Variants in ABCG1 observed in about 807,000 individuals in gnomAD.
The protein encoded by ABCG1 is ATP-binding cassette sub-family G member 1.
In ABCG1, 29 loss-of-function variants were observed where a neutral mutation model predicts 69.2. That is an observed-to-expected ratio of 0.42 (90% CI 0.31 to 0.57). ABCG1 has a LOEUF of 0.57. Among genes scored for constraint, ABCG1 ranks in the 20% least tolerant of loss-of-function variants. The pLI, the probability that ABCG1 is intolerant of heterozygous loss-of-function variation, is 0.15. For synonymous variants in ABCG1, 370 were observed against 374.8 expected (o/e 0.99, Z 0.15); for missense variants, 718 against 898.1 (o/e 0.80, Z 2.56).
chr21:42,253,720 A>G (rs2123658268), intron 2 of ABCG1, among the ~76,000 whole-genome samples: 1 of 152,074 alleles, frequency 6.6e-6, no homozygotes, highest in South Asian at 2.1e-4. Flanking sequence ...GCTTTGAAGG[A>G]GCATCAGGGG....
At chr21:42,223,104 G>A (rs1237485017) in intron 1 of ABCG1, among the ~76,000 whole-genome samples, 1 of 152,134 alleles carries the variant, frequency 6.6e-6, no homozygotes, top group Non-Finnish European at 1.5e-5. Flanking sequence ...TGCCCCTCTA[G>A]TCTCATCTTA....
chr21:42,296,399 T>C lies in ABCG1; in HGVS notation c.*7T>C, dbSNP rs754977655. 1.4e-5 allele frequency: 22 copies of C among 1,609,590 alleles called. No individual in the cohort carries two copies. The South Asian group carries it at 2.3e-4, about 17-fold the overall frequency. ...AATCCGGGCAGAGAGGTAAAACACC[T>C]GAATGCCAGGAAACAGGAAGATTAG... On this transcript the variant is annotated 3_prime_UTR_variant, in exon 15 of 15. Transcript: ENST00000398449. The surrounding 1 kb of genome is among the most constrained non-coding windows in gnomAD (Gnocchi z 5.4).
chr21:42,216,106 GCT>G (rs1225780997), upstream of ABCG1: 2 of 449,482 alleles, frequency 4.4e-6, no homozygotes, highest in African/African-American at 2.0e-5. Context: ...CCCTGCACAA[GCT>G]CTCTCTCTTG....
chr21:42,209,594 GCCT>G (rs1353442698), intron 2 of ABCG1, among the ~76,000 whole-genome samples: 1 of 152,176 alleles, frequency 6.6e-6, no homozygotes, highest in Non-Finnish European at 1.5e-5. Flanking sequence ...GTGGCTTTGG[GCCT>G]CTGACTTTTA....
chr21:42,269,791 T>C (rs773628944), intron 2 of ABCG1, among the ~76,000 whole-genome samples: 2 of 152,118 alleles, frequency 1.3e-5, no homozygotes, highest in African/African-American at 2.4e-5. Flanking sequence ...GGCCAGACTC[T>C]TGGAAACATA....
intron 2 of ABCG1, among the ~76,000 whole-genome samples, chr21:42,228,847 G>T (rs1192208163): frequency 6.6e-6 from 1 of 152,220 alleles, no homozygotes; most frequent in Non-Finnish European, 1.5e-5. Flanking sequence ...GCCTGTTCTT[G>T]GGTGCTGCGT....
chr21:42,212,842 C>A (rs890822826), upstream of ABCG1, among the ~76,000 whole-genome samples: 1 of 151,948 alleles, frequency 6.6e-6, no homozygotes, highest in Non-Finnish European at 1.5e-5. Context: ...TACAGGTGCC[C>A]GCTACCATGC....
intron 2 of ABCG1, among the ~76,000 whole-genome samples, chr21:42,204,995 G>GAGAAT (rs1048655412): frequency 2.6e-5 from 4 of 151,422 alleles, no homozygotes; most frequent in Admixed American, 2.0e-4. Context: ...TCTGGGCCTG[G>GAGAAT]AGAATTAGGT....
At position 42,240,949 on chromosome 21, in the gene ABCG1, C is replaced by T. The variant is rs539563243; in HGVS notation, c.286+15035C>T. Among the ~76,000 whole-genome samples, 4 of 152,364 alleles carry T rather than the reference C, an allele frequency of 2.6e-5. No homozygotes were observed. In the South Asian group the frequency reaches 8.3e-4, roughly 32 times the overall value. ...CCACCAGATGTGCGTTCCCGCACCA[C>T]CCAGGGGACCGAGGGCACAGGTGGG... On this transcript the variant is annotated intron_variant, in intron 2 of 14. Transcript: ENST00000398449.
chr21:42,200,808 C>T (rs1451626549), intron 1 of ABCG1, among the ~76,000 whole-genome samples: 3 of 152,010 alleles, frequency 2.0e-5, no homozygotes, highest in South Asian at 2.1e-4. Context: ...AGGCTGGTCT[C>T]GAACTCCTGA....
chr21:42,293,135 A>G (rs2069113574), intron 13 of ABCG1, among the ~76,000 whole-genome samples: 2 of 141,370 alleles, frequency 1.4e-5, no homozygotes, highest in African/African-American at 2.7e-5. Context: ...ACCACACACT[A>G]CACACTACAC....
intron 2 of ABCG1, among the ~76,000 whole-genome samples, chr21:42,248,137 A>G (rs1249031919): frequency 1.3e-5 from 2 of 152,220 alleles, no homozygotes; most frequent in East Asian, 1.9e-4. Context: ...GATAAAGAAG[A>G]TTAGGTTTCT....
intron 2 of ABCG1, among the ~76,000 whole-genome samples, chr21:42,208,792 C>A (rs1381869294): frequency 6.6e-6 from 1 of 152,180 alleles, no homozygotes; most frequent in African/African-American, 2.4e-5. Flanking sequence ...GTAGTCATGT[C>A]TTTTTTTCTT....
intron 2 of ABCG1, among the ~76,000 whole-genome samples, chr21:42,254,011 G>GCT (rs2068263457): frequency 1.3e-5 from 2 of 152,200 alleles, no homozygotes; most frequent in Admixed American, 6.5e-5. Flanking sequence ...GACAGCTGCT[G>GCT]GTGCTGCTTA....
At chr21:42,251,983 C>G (rs893012916) in intron 2 of ABCG1, among the ~76,000 whole-genome samples, 1 of 152,246 alleles carries the variant, frequency 6.6e-6, no homozygotes. Context: ...AGTTCAGAGG[C>G]ATCCCTCTGC....
chr21:42,227,912 A>G (rs771867047), intron 2 of ABCG1, among the ~76,000 whole-genome samples: 16 of 152,210 alleles, frequency 1.1e-4, no homozygotes, highest in Admixed American at 7.8e-4. Context: ...CTCCCTCACT[A>G]TCATGAGAAC....
chr21:42,296,015 G>A lies in ABCG1; in HGVS notation c.1773-149G>A, dbSNP rs1345309296. 2.0e-5 allele frequency: 13 copies of A among 639,978 alleles called. No homozygotes were observed. The highest frequency in any genetic ancestry group is 5.4e-5 in the South Asian group (3 of 55,348). The allele number at this position is 639,978 out of a possible 1,614,324, so 39.6% of individuals were successfully genotyped here. ...TGTTTGTCTTAAGAAGGTGGTGGGC[G>A]GTGAGGAAGTATTCTGGGGAAGGCG... is the stretch of plus-strand genomic sequence containing the variant. On this transcript the variant is annotated intron_variant, in intron 14 of 14. Coordinates refer to ENST00000398449, the MANE Select transcript of ABCG1 (RefSeq NM_016818.3). The surrounding 1 kb of genome is among the most constrained non-coding windows in gnomAD (Gnocchi z 5.4).
chr21:42,288,940 C>A lies in ABCG1; in HGVS notation c.1224+628C>A, dbSNP rs2069002568. Among the ~76,000 whole-genome samples, 1 of 152,088 alleles carries A rather than the reference C, an allele frequency of 6.6e-6. No homozygotes were observed. The highest frequency in any genetic ancestry group is 1.5e-5 in the Non-Finnish European group (1 of 68,016). ...AGGCAAAGTGGGATGGAGCGCTACACACTTTTAAACATTCAGATCTCACAA... is the reference window on the plus strand; with the variant it reads ...AGGCAAAGTGGGATGGAGCGCTACAAACTTTTAAACATTCAGATCTCACAA... On this transcript the variant is annotated intron_variant, in intron 10 of 14. Transcript: ENST00000398449. The surrounding 1 kb of genome is among the most constrained non-coding windows in gnomAD (Gnocchi z 4.8).
chr21:42,213,311 C>T, upstream of ABCG1, among the ~76,000 whole-genome samples: 1 of 152,360 alleles, frequency 6.6e-6, no homozygotes, highest in African/African-American at 2.4e-5. Context: ...TGCAGTGTGT[C>T]TCCCTCAGAG....
Sources: gnomAD v4.1 joint callset for allele counts (sites outside exome capture counted in the v4.1 genomes callset) on GRCh38, gnomAD v4.1.1 for gene constraint, Gnocchi (gnomAD v3.1) non-coding constraint, MANE v1.5 for transcripts, NCBI Gene and HGNC (gene_info 2026-07-23, HGNC 2026-07-21) for gene names.